Variants in BRCC3 observed in about 807,000 individuals in gnomAD.
The protein encoded by BRCC3 is lys-63-specific deubiquitinase BRCC36.
BRCC3 carries 15 observed loss-of-function variants against 28.0 expected under a neutral mutation model. That is an observed-to-expected ratio of 0.54 (90% CI 0.36 to 0.82). The LOEUF is 0.82. BRCC3 is among the 40% of genes least tolerant of loss of function. The pLI, the probability that BRCC3 is intolerant of heterozygous loss-of-function variation, is 0.01. For synonymous variants in BRCC3, 66 were observed against 80.3 expected (o/e 0.82, Z 0.95); for missense variants, 109 against 225.9 (o/e 0.48, Z 3.32).
chrX:155,100,533 T>C (rs1557296754), intron 7 of BRCC3, among the ~76,000 whole-genome samples: 1 of 112,468 alleles, frequency 8.9e-6, no homozygotes, highest in East Asian at 2.8e-4. Context: ...GAAAATGTCC[T>C]TCATTTTGGA....
rs1557299266 is a variant in BRCC3 at position 155,120,172 on chromosome X, A to C, written c.*18+4A>C. 8.5e-7 allele frequency: 1 copy of C among 1,182,696 alleles called. No homozygotes were observed. Among genetic ancestry groups the C allele is most frequent in the African/African-American group, 1.8e-5 (1 of 56,929 alleles). On this transcript the variant is annotated splice_donor_region_variant and intron_variant, in intron 10 of 10. Coordinates refer to ENST00000330045, the MANE Select transcript of BRCC3 (RefSeq NM_001018055.3). ...ATAAATCAGGAGACAAAATGGGGTAAAAAACTTCTTTTTCAATTTGTGTAC... is the reference window on the plus strand; with the variant it reads ...ATAAATCAGGAGACAAAATGGGGTACAAAACTTCTTTTTCAATTTGTGTAC...
chrX:155,092,336 C>G (rs782496727), intron 7 of BRCC3, among the ~76,000 whole-genome samples: 47 of 111,632 alleles, frequency 4.2e-4, no homozygotes, highest in Non-Finnish European at 8.5e-4. Context: ...TTTTGGCTCC[C>G]TGCTGTTACT....
chrX:155,100,032 G>A (rs781833762), intron 7 of BRCC3, among the ~76,000 whole-genome samples: 17 of 111,539 alleles, frequency 1.5e-4, no homozygotes, highest in African/African-American at 4.2e-4. Flanking sequence ...TTAATATTCC[G>A]TTTTGAAATA....
intron 3 of BRCC3, among the ~76,000 whole-genome samples, chrX:155,076,408 CA>C (rs1177387974): frequency 6.8e-5 from 7 of 102,814 alleles, no homozygotes; most frequent in East Asian, 6.0e-4. Flanking sequence ...AACAAAAAAA[CA>C]AAAAAAAAAC....
chrX:155,115,974 CA>C, intron 7 of BRCC3, 82 bp from the exon 8 acceptor site: 1 of 984,170 alleles, frequency 1.0e-6, no homozygotes, highest in Non-Finnish European at 1.4e-6. Context: ...TGCCATATCC[CA>C]AACTTCCAAT....
At chrX:155,078,068 G>C (rs1238051559) in intron 4 of BRCC3, among the ~76,000 whole-genome samples, 1 of 112,417 alleles carries the variant, frequency 8.9e-6, no homozygotes, top group African/African-American at 3.2e-5. Context: ...TAAACACCGT[G>C]TGTGGATTAT....
At chrX:155,112,327 C>A (rs1387068625) in intron 7 of BRCC3, among the ~76,000 whole-genome samples, 2 of 111,776 alleles carry the variant, frequency 1.8e-5, no homozygotes, top group Non-Finnish European at 3.8e-5. Context: ...GGGCAGGTAT[C>A]ATATACAGTA....
chrX:155,083,588 A>G (rs782231052), intron 5 of BRCC3, among the ~76,000 whole-genome samples: 4 of 112,056 alleles, frequency 3.6e-5, no homozygotes, highest in Non-Finnish European at 7.5e-5. Flanking sequence ...ATTTCTTTCA[A>G]CAAATTTGAG....
chrX:155,091,276 CT>C (rs202062881), intron 7 of BRCC3, among the ~76,000 whole-genome samples: 110 of 103,144 alleles, frequency 1.1e-3, no homozygotes, highest in Admixed American at 1.3e-3. Flanking sequence ...ATTAGCAAAT[CT>C]TTTTTTTTTT....
At chrX:155,113,193 C>T (rs898210370) in intron 7 of BRCC3, among the ~76,000 whole-genome samples, 54 of 85,735 alleles carry the variant, frequency 6.3e-4, no homozygotes, top group African/African-American at 2.5e-3. Flanking sequence ...TAAGTTGATA[C>T]GGAATCTCGG....
intron 2 of BRCC3, among the ~76,000 whole-genome samples, chrX:155,072,828 A>G (rs1250554052): frequency 9.1e-6 from 1 of 110,099 alleles, no homozygotes; most frequent in Non-Finnish European, 1.9e-5. Context: ...CAAGTGCTGG[A>G]ATTTCAGGCG....
At chrX:155,091,794 TAAAA>T (rs1186835284) in intron 7 of BRCC3, among the ~76,000 whole-genome samples, 1 of 98,088 alleles carries the variant, frequency 1.0e-5, no homozygotes, top group East Asian at 3.0e-4. Context: ...ATGCAGCCGT[TAAAA>T]AAAAAAAAAG....
At chrX:155,071,757 AT>A in intron 1 of BRCC3, 107 bp downstream of exon 1, 1 of 921,716 alleles carries the variant, frequency 1.1e-6, no homozygotes, top group Non-Finnish European at 1.5e-6. Context: ...GGCATCCTCG[AT>A]TTAGGTCCTT....
At position 155,101,524 on chromosome X, in the gene BRCC3, T is replaced by C. The variant is rs782597544; in HGVS notation, c.548+10685T>C. Reference sequence around the variant, plus strand: ...TATTCTTCTCTAAGAAAGAGTTTTCTCTTCTGCCAATTTGATTATTTGTTC... The same window carrying C: ...TATTCTTCTCTAAGAAAGAGTTTTCCCTTCTGCCAATTTGATTATTTGTTC... On this transcript the variant is annotated intron_variant, in intron 7 of 10. Coordinates refer to ENST00000330045, the MANE Select transcript of BRCC3 (RefSeq NM_001018055.3). 1.2e-4 allele frequency among the ~76,000 whole-genome samples: 13 copies of C among 112,523 alleles called. No homozygotes were observed. In the South Asian group the frequency reaches 4.8e-3, roughly 41 times the overall value.
Position 155,122,545 on chromosome X carries a change from G to A in BRCC3, c.*1341G>A, listed in dbSNP as rs1264163476. ...AGAAATGAAAACCTATATTGTACTT[G>A]TACTCAAATATTCATAGGAGCTTTA... On this transcript the variant is annotated 3_prime_UTR_variant, in exon 11 of 11. Coordinates refer to ENST00000330045, the MANE Select transcript of BRCC3 (RefSeq NM_001018055.3). 1.8e-5 allele frequency: 2 copies of A among 111,697 alleles called. No individual in the cohort carries two copies. The highest frequency in any genetic ancestry group is 5.6e-4 in the East Asian group (2 of 3,603). 9.2% of individuals were successfully genotyped at this position (111,697 alleles called of 1,213,427 possible). A position where few individuals can be genotyped will look rare whatever the true frequency, so the allele number is the denominator to read the frequency against.
intron 7 of BRCC3, among the ~76,000 whole-genome samples, chrX:155,098,427 G>C (rs2074224828): frequency 8.9e-6 from 1 of 112,299 alleles, no homozygotes; most frequent in Non-Finnish European, 1.9e-5. Context: ...ACTACATTAT[G>C]GTAACTGATT....
At position 155,089,331 on chromosome X, in the gene BRCC3, A is replaced by G. The variant is rs1557295330; in HGVS notation, c.472A>G (p.Ile158Val). 2 of 1,166,641 alleles carry G rather than the reference A, an allele frequency of 1.7e-6. No homozygotes were observed. The change falls in exon 6 of 11, where the codon ATA becomes GTA. Residue 158 changes from isoleucine (I) to valine (V), a missense_variant. By Grantham distance (29) the Ile-to-Val change is conservative. Transcript: ENST00000330045. ...GFVGLIFSCFIEDKNTKTGRV... is the reference protein window; with the variant it reads ...GFVGLIFSCFVEDKNTKTGRV... ...TGTAGGACTTATTTTTTCCTGTTTC[A>G]TAGAAGATAAGAACACAAAGGTATT...
chrX:155,079,378 T>G (rs1196342164), intron 5 of BRCC3, among the ~76,000 whole-genome samples: 1 of 111,742 alleles, frequency 8.9e-6, no homozygotes, highest in Non-Finnish European at 1.9e-5. Flanking sequence ...GACTCCCAAG[T>G]CTGCTCTTCC....
intron 3 of BRCC3, among the ~76,000 whole-genome samples, chrX:155,075,280 G>A (rs1182242553): frequency 4.0e-5 from 2 of 50,052 alleles, no homozygotes; most frequent in Non-Finnish European, 6.0e-5. Context: ...ATAATGCTAA[G>A]CCCACTCTTT....
Sources: allele counts gnomAD v4.1 joint callset (sites outside exome capture counted in the v4.1 genomes callset), GRCh38; gene constraint gnomAD v4.1.1; transcripts MANE v1.5; gene names NCBI Gene and HGNC (gene_info 2026-07-23, HGNC 2026-07-21).